The following DYNC1LI1 variants were observed in gnomAD, a reference collection of about 807,000 sequenced individuals.
DYNC1LI1 encodes the protein dynein cytoplasmic 1 light intermediate chain 1, also known as cytoplasmic dynein 1 light intermediate chain 1.
Under a neutral mutation model 63.8 loss-of-function variants are expected in DYNC1LI1, and 19 were observed. That is an observed-to-expected ratio of 0.30 (90% CI 0.21 to 0.44). The LOEUF (loss-of-function observed/expected upper bound fraction) is 0.44, where lower values mean the gene tolerates loss of function less well. Ranked by LOEUF, DYNC1LI1 falls within the 20% of genes least tolerant of loss-of-function variation. The probability of loss-of-function intolerance (pLI) is 1.00; values close to 1 mark genes in which losing one functional copy is unlikely to be tolerated. For synonymous variants in DYNC1LI1, 225 were observed against 232.3 expected (o/e 0.97, Z 0.28); for missense variants, 565 against 630.2 (o/e 0.90, Z 1.11).
At chr3:32,537,168 A>C (rs1697786026) in intron 5 of DYNC1LI1, 64 bp from the exon 6 acceptor site, 3 of 913,988 alleles carry the variant, frequency 3.3e-6, no homozygotes, top group East Asian at 5.8e-5. Context: ...ATAGTAATTT[A>C]AACAGTTCAA....
At chr3:32,528,319 G>T in intron 12 of DYNC1LI1, 127 bp downstream of exon 12, 1 of 953,484 alleles carries the variant, frequency 1.0e-6, no homozygotes. Context: ...ATCAGATTAT[G>T]GTGATGGCCT....
intron 8 of DYNC1LI1, chr3:32,532,505 A>ATATATATATATATATATATATATATATG (rs1697714550): frequency 2.0e-5 from 3 of 148,572 alleles, no homozygotes; most frequent in African/African-American, 7.4e-5. Flanking sequence ...ATATATATAT[A>ATATATATATATATATATATATATATATG]TAAAATTGAA....
At chr3:32,537,251 T>C in intron 5 of DYNC1LI1, 147 bp from the exon 6 acceptor site, 1 of 442,410 alleles carries the variant, frequency 2.3e-6, no homozygotes, top group Non-Finnish European at 4.0e-6. Context: ...GAATATCAAG[T>C]ACCCTATGAA....
At chr3:32,541,649 T>C (rs1273073184) in intron 4 of DYNC1LI1, among the ~76,000 whole-genome samples, 3 of 152,224 alleles carry the variant, frequency 2.0e-5, no homozygotes, top group Non-Finnish European at 4.4e-5. Context: ...TCTCCTTTTT[T>C]ACCTAGGCTC....
At chr3:32,564,320 A>C (rs1698231681) in intron 2 of DYNC1LI1, among the ~76,000 whole-genome samples, 5 of 152,294 alleles carry the variant, frequency 3.3e-5, no homozygotes, top group African/African-American at 1.2e-4. Flanking sequence ...TCTCTAAATA[A>C]ACAAACAAAC....
chr3:32,534,409 C>T (rs1697747267), intron 7 of DYNC1LI1, 102 bp downstream of exon 7: 1 of 814,468 alleles, frequency 1.2e-6, no homozygotes, highest in Admixed American at 2.7e-5. Flanking sequence ...ACTTTCTCAT[C>T]ATGGAAGGTC....
intron 12 of DYNC1LI1, 81 bp from the exon 13 acceptor site, chr3:32,526,989 A>T: frequency 1.1e-6 from 1 of 940,310 alleles, no homozygotes; most frequent in South Asian, 1.5e-5. Flanking sequence ...TCATTTAAAA[A>T]GTCCTAACAC....
At chr3:32,565,159 A>G (rs1443563671) in intron 2 of DYNC1LI1, among the ~76,000 whole-genome samples, 2 of 152,364 alleles carry the variant, frequency 1.3e-5, no homozygotes, top group African/African-American at 4.8e-5. Context: ...CCCAATTTCA[A>G]TATGCCTTAA....
chr3:32,535,316 C>T (rs1223976558), intron 6 of DYNC1LI1, among the ~76,000 whole-genome samples: 2 of 152,216 alleles, frequency 1.3e-5, no homozygotes, highest in African/African-American at 4.8e-5. Context: ...AATATTAAGA[C>T]ATCCATGGAC....
chr3:32,528,950 A>G (rs1378702283), intron 11 of DYNC1LI1, among the ~76,000 whole-genome samples: 1 of 152,212 alleles, frequency 6.6e-6, no homozygotes, highest in Non-Finnish European at 1.5e-5. Context: ...AGAATCCTAT[A>G]TGAAAACCGG....
chr3:32,540,776 A>G (rs1697870104), intron 5 of DYNC1LI1, among the ~76,000 whole-genome samples: 1 of 152,174 alleles, frequency 6.6e-6, no homozygotes, highest in African/African-American at 2.4e-5. Context: ...AAACTGATTG[A>G]TCATACAATG....
In DYNC1LI1 at chr3:32,570,390, C is replaced by A; in HGVS notation, c.176G>T (p.Arg59Leu). ...WSCILSEVST[R>L]SRSKLPAGKN... ...CCCCGCAGGGAGCTTGGAGCGCGAG[C>A]GGGTGGAGACCTCGCTGAGGATGCA... The change falls in exon 2 of 13, where the codon CGC becomes CTC. Residue 59 changes from arginine (R) to leucine (L), a missense_variant. Arg to Leu is a moderately radical substitution (Grantham distance 102). Transcript: ENST00000273130. 6.2e-7 allele frequency: 1 copy of A among 1,606,402 alleles called. No homozygotes were observed. The highest frequency in any genetic ancestry group is 8.5e-7 in the Non-Finnish European group (1 of 1,177,460).
In DYNC1LI1 at chr3:32,537,960, TA is replaced by T. The variant is rs55869855; in HGVS notation, c.739-857del. 0.038 allele frequency among the ~76,000 whole-genome samples: 120 copies of T among 3,144 alleles called. 4 individuals carry two copies. In the East Asian group the frequency reaches 0.39, roughly 10 times the overall value. 2.1% of individuals were successfully genotyped at this position (3,144 alleles called of 152,430 possible). A position where few individuals can be genotyped will look rare whatever the true frequency, so the allele number is the denominator to read the frequency against. On this transcript the variant is annotated intron_variant, in intron 5 of 12. Coordinates refer to ENST00000273130, the MANE Select transcript of DYNC1LI1 (RefSeq NM_016141.4). ...ATAATATATATATAATTTATATATA[TA>T]ATATATATATATTTATATATAATAT...
intron 2 of DYNC1LI1, among the ~76,000 whole-genome samples, chr3:32,559,220 G>A (rs1384282173): frequency 6.6e-6 from 1 of 151,882 alleles, no homozygotes; most frequent in South Asian, 2.1e-4. Context: ...TAATACACTA[G>A]AAATAAAACT....
intron 2 of DYNC1LI1, among the ~76,000 whole-genome samples, chr3:32,564,986 G>T (rs12108052): frequency 0.03 from 4,508 of 152,078 alleles, 238 homozygotes; most frequent in African/African-American, 0.1. Flanking sequence ...CTGAAGGGGG[G>T]GAAAAAAGAC....
chr3:32,555,031 G>A lies in DYNC1LI1; in HGVS notation c.221-9066C>T, dbSNP rs1288383416. On this transcript the variant is annotated intron_variant, in intron 2 of 12. Coordinates refer to ENST00000273130, the MANE Select transcript of DYNC1LI1 (RefSeq NM_016141.4). ...ACTACAGGCGCATGCCACCATGCCC[G>A]GCTAGTTTTTGTGGTTTTAGTAGAG... is the stretch of plus-strand genomic sequence containing the variant. Among the ~76,000 whole-genome samples the A allele has an allele frequency of 4.6e-5, 7 of 152,000 alleles. No individual in the cohort carries two copies. The East Asian group carries it at 9.7e-4, about 21-fold the overall frequency.
intron 2 of DYNC1LI1, among the ~76,000 whole-genome samples, chr3:32,559,847 G>C (rs908980946): frequency 2.0e-5 from 3 of 152,062 alleles, no homozygotes; most frequent in African/African-American, 7.2e-5. Context: ...GAAAGCTCTG[G>C]TGACAAGAGC....
intron 2 of DYNC1LI1, among the ~76,000 whole-genome samples, chr3:32,547,884 T>C (rs1697976985): frequency 1.3e-5 from 2 of 152,086 alleles, no homozygotes; most frequent in African/African-American, 2.4e-5. Flanking sequence ...AACAAATGAA[T>C]AGATAAGGAA....
chr3:32,537,900 A>T (rs1361781150), intron 5 of DYNC1LI1, among the ~76,000 whole-genome samples: 14 of 64,324 alleles, frequency 2.2e-4, no homozygotes, highest in Admixed American at 1.7e-3. Context: ...TTATATATAT[A>T]ATATATATAT....
Sources: gnomAD v4.1 joint callset for allele counts (sites outside exome capture counted in the v4.1 genomes callset) on GRCh38, gnomAD v4.1.1 for gene constraint, MANE v1.5 for transcripts, NCBI Gene and HGNC (gene_info 2026-07-23, HGNC 2026-07-21) for gene names.